Variants in ZC3H7A observed in about 807,000 individuals in gnomAD.
The protein encoded by ZC3H7A is zinc finger CCCH-type containing 7A, also known as zinc finger CCCH domain-containing protein 7A.
In ZC3H7A, 44 loss-of-function variants were observed where a neutral mutation model predicts 125.5. That is an observed-to-expected ratio of 0.35 (90% confidence interval 0.28 to 0.45). The LOEUF is 0.45. Among genes scored for constraint, ZC3H7A ranks in the 20% least tolerant of loss-of-function variants. ZC3H7A has a pLI of 1.00. For missense variants in ZC3H7A, 977 were observed against 1,170.7 expected, an observed-to-expected ratio of 0.83 and a Z score of 2.41; for synonymous variants, 399 against 391.2, an observed-to-expected ratio of 1.02 and a Z score of -0.23.
intron 3 of ZC3H7A, among the ~76,000 whole-genome samples, chr16:11,780,508 A>T: frequency 6.6e-6 from 1 of 152,230 alleles, no homozygotes; most frequent in Admixed American, 6.5e-5. Flanking sequence ...TTCCTGTCTA[A>T]GCTGATTAAA....
Position 11,765,710 on chromosome 16 carries a change from C to T in ZC3H7A, c.1523-25G>A, listed in dbSNP as rs760653045. Reference sequence around the variant, plus strand: ...TCTAGAAAGACAGGGAATGGACAGACATTGAAAACATGGCAATTGGCCTGT... The same window carrying T: ...TCTAGAAAGACAGGGAATGGACAGATATTGAAAACATGGCAATTGGCCTGT... On this transcript the variant is annotated intron_variant, in intron 13 of 22. Transcript: ENST00000355758. This position sits in a 1 kb window ranked among gnomAD's most constrained non-coding sequence, Gnocchi z 4.8. 2 of 1,597,346 alleles carry T rather than the reference C, an allele frequency of 1.3e-6. No individual in the cohort carries two copies. The highest frequency in any genetic ancestry group is 1.1e-5 in the South Asian group (1 of 88,886).
At chr16:11,770,638 C>T (rs191237104) in intron 10 of ZC3H7A, 145 bp downstream of exon 10, 2 of 844,258 alleles carry the variant, frequency 2.4e-6, no homozygotes, top group Admixed American at 3.0e-5. Flanking sequence ...AAATTCAAAA[C>T]TGAAGGCTTA....
At chr16:11,784,339 AT>A (rs941535500) in intron 1 of ZC3H7A, among the ~76,000 whole-genome samples, 24 of 151,990 alleles carry the variant, frequency 1.6e-4, no homozygotes, top group African/African-American at 5.3e-4. Context: ...AAATTTATAT[AT>A]TTTTTTAATT....
rs371800758 is a variant in ZC3H7A at position 11,753,349 on chromosome 16, T to C, written c.2563-517A>G. ...ACAGATGCAAACTATAAGTGTTGGA[T>C]AGTATTTCCCAAATGTCCTGGGCAA... On this transcript the variant is annotated intron_variant, in intron 21 of 22. Coordinates refer to ENST00000355758, the MANE Select transcript of ZC3H7A (RefSeq NM_014153.4). 7.6e-4 allele frequency among the ~76,000 whole-genome samples: 116 copies of C among 152,376 alleles called. 5 individuals are homozygous for C. The South Asian group carries it at 0.022, about 29-fold the overall frequency.
At chr16:11,789,954 A>G (rs566761914) in intron 1 of ZC3H7A, among the ~76,000 whole-genome samples, 1 of 151,732 alleles carries the variant, frequency 6.6e-6, no homozygotes, top group Admixed American at 6.6e-5. Flanking sequence ...GGAGGCATAC[A>G]CCTGTAATCC....
rs1280361018 is a variant in ZC3H7A at position 11,788,970 on chromosome 16, T to C, written c.-34-6582A>G. On this transcript the variant is annotated intron_variant, in intron 1 of 22. Transcript: ENST00000355758. The stretch of plus-strand genomic sequence containing the variant: ...TTGATTGTGGGAGTGGTTACATGAA[T>C]TTATGCATGGGATAAAACTGCATAA... Among the ~76,000 whole-genome samples, 4 of 151,094 alleles carry C rather than the reference T, an allele frequency of 2.6e-5. No homozygotes were observed. In the East Asian group the frequency reaches 7.7e-4, roughly 29 times the overall value.
At chr16:11,772,369 C>A (rs992358784) in intron 9 of ZC3H7A, among the ~76,000 whole-genome samples, 3 of 151,602 alleles carry the variant, frequency 2.0e-5, no homozygotes, top group African/African-American at 7.3e-5. Context: ...CTTCCCCAGG[C>A]CCCATCAAAG....
chr16:11,781,894 CTCA>C (rs2053179690), intron 2 of ZC3H7A, among the ~76,000 whole-genome samples: 1 of 152,120 alleles, frequency 6.6e-6, no homozygotes, highest in Non-Finnish European at 1.5e-5. Context: ...CCACAGCTGT[CTCA>C]TCATTGACAT....
Position 11,782,400 on chromosome 16 carries a change from C to G in ZC3H7A, c.-34-12G>C. ...TCTAAATGAGCAATCTGGAAAGAAA[C>G]AAGGCAAAAAAGCACATAAGGTACC... On this transcript the variant is annotated splice_polypyrimidine_tract_variant and intron_variant, in intron 1 of 22. Transcript: ENST00000355758. The G allele has an allele frequency of 2.5e-6, 4 of 1,610,704 alleles. No homozygotes were observed. Among genetic ancestry groups the G allele is most frequent in the Non-Finnish European group, 3.4e-6 (4 of 1,178,192 alleles).
intron 1 of ZC3H7A, among the ~76,000 whole-genome samples, chr16:11,793,350 T>C (rs879160973): frequency 4.6e-5 from 7 of 151,930 alleles, no homozygotes; most frequent in South Asian, 2.1e-4. Context: ...CTAGGCAACA[T>C]AGGAGACCCC....
intron 10 of ZC3H7A, among the ~76,000 whole-genome samples, chr16:11,770,068 T>A (rs1255989655): frequency 6.6e-6 from 1 of 152,074 alleles, no homozygotes; most frequent in Admixed American, 6.6e-5. Context: ...ATTACAGGCA[T>A]GAGCCACCAC....
chr16:11,754,417 G>C (rs1376133038), intron 21 of ZC3H7A, among the ~76,000 whole-genome samples: 5 of 151,322 alleles, frequency 3.3e-5, no homozygotes, highest in African/African-American at 1.2e-4. Context: ...CACAGGGCAT[G>C]TCACAAGCAG....
At chr16:11,764,076 G>C (rs2052810087) in intron 15 of ZC3H7A, among the ~76,000 whole-genome samples, 1 of 151,950 alleles carries the variant, frequency 6.6e-6, no homozygotes, top group Non-Finnish European at 1.5e-5. Context: ...TTATAGGCGT[G>C]AGCCATGGAG....
In ZC3H7A at chr16:11,763,674, G is replaced by C; in HGVS notation, c.1821-15C>G. 7.0e-7 allele frequency: 1 copy of C among 1,436,954 alleles called. No individual in the cohort carries two copies. 89.0% of individuals were successfully genotyped at this position (1,436,954 alleles called of 1,614,324 possible). On this transcript the variant is annotated splice_polypyrimidine_tract_variant and intron_variant, in intron 15 of 22. Transcript: ENST00000355758. ...GGACAAGGCACCTAAGATGAAAACAGTGACATTTTAATATTGTTCTGCCAT... is the reference window on the plus strand; with the variant it reads ...GGACAAGGCACCTAAGATGAAAACACTGACATTTTAATATTGTTCTGCCAT...
chr16:11,760,340 T>C (rs2052732943), intron 19 of ZC3H7A, among the ~76,000 whole-genome samples: 1 of 152,106 alleles, frequency 6.6e-6, no homozygotes, highest in Admixed American at 6.6e-5. Flanking sequence ...ATTATCTCCA[T>C]CATCCTTTAA....
intron 3 of ZC3H7A, 71 bp downstream of exon 3, chr16:11,781,354 A>T: frequency 1.3e-6 from 2 of 1,490,736 alleles, no homozygotes; most frequent in Non-Finnish European, 1.8e-6. Flanking sequence ...ATCATTTGCC[A>T]ACCCCTGCTA....
Position 11,752,829 on chromosome 16 carries a change from C to A in ZC3H7A, c.2566G>T (p.Asp856Tyr). ...MPTDYAEVTV[D>Y]FHCWMCGKNC... The stretch of plus-strand genomic sequence containing the variant: ...TTCCCACACATCCAGCAGTGAAAGT[C>A]CACCTAATGTGCAGCAAAGACACAT... Residue 856 changes from aspartate to tyrosine, a missense_variant, in exon 22 of 23, where the codon GAC becomes TAC. By Grantham distance (160) the Asp-to-Tyr change is radical. Around this residue, in one of 3 missense-constraint regions of ZC3H7A, gnomAD observed 436 missense variants for 603.2 expected, o/e 0.72. Coordinates refer to ENST00000355758, the MANE Select transcript of ZC3H7A (RefSeq NM_014153.4). The A allele has an allele frequency of 6.2e-7, 1 of 1,612,262 alleles. No individual in the cohort carries two copies. The highest frequency in any genetic ancestry group is 1.1e-5 in the South Asian group (1 of 91,004).
At chr16:11,774,890 G>T in intron 8 of ZC3H7A, 90 bp downstream of exon 8, 1 of 1,383,578 alleles carries the variant, frequency 7.2e-7, no homozygotes, top group Non-Finnish European at 1.0e-6. Flanking sequence ...TAACCACACA[G>T]CGATATTATT....
intron 1 of ZC3H7A, among the ~76,000 whole-genome samples, chr16:11,784,854 C>CAA (rs536349199): frequency 0.048 from 2,903 of 59,912 alleles, 214 homozygotes; most frequent in African/African-American, 0.17. Context: ...CACTCCATCT[C>CAA]AAAAAAAAAA....
Sources: gnomAD v4.1 joint callset for allele counts (sites outside exome capture counted in the v4.1 genomes callset) on GRCh38, gnomAD v4.1.1 for gene constraint, gnomAD v4.1.1 regional missense constraint, Gnocchi (gnomAD v3.1) non-coding constraint, MANE v1.5 for transcripts, NCBI Gene and HGNC (gene_info 2026-07-23, HGNC 2026-07-21) for gene names.